The following SMARCA2 variants were observed in gnomAD, a reference collection of about 807,000 sequenced individuals.
SMARCA2 encodes SWI/SNF related BAF chromatin remodeling complex subunit ATPase 2.
A neutral mutation model predicts 199.8 loss-of-function variants in SMARCA2; 61 were observed. That is an observed-to-expected ratio of 0.31 (90% CI 0.25 to 0.38). The LOEUF (loss-of-function observed/expected upper bound fraction) is 0.38, where lower values mean the gene tolerates loss of function less well. Among genes scored for constraint, SMARCA2 ranks in the 10% least tolerant of loss-of-function variants. The pLI, the probability that SMARCA2 is intolerant of heterozygous loss-of-function variation, is 1.00. For synonymous variants in SMARCA2, 935 were observed against 732.0 expected, an observed-to-expected ratio of 1.28 and a Z score of -4.48; for missense variants, 1,344 against 2,012.2, an observed-to-expected ratio of 0.67 and a Z score of 6.35.
intron 27 of SMARCA2, among the ~76,000 whole-genome samples, chr9:2,149,143 G>C (rs1824914968): frequency 6.6e-6 from 1 of 151,262 alleles, no homozygotes; most frequent in South Asian, 2.1e-4. Flanking sequence ...CCACATGGCT[G>C]GGGAGGCCTC....
intron 27 of SMARCA2, among the ~76,000 whole-genome samples, chr9:2,155,408 G>A (rs536911838): frequency 2.2e-4 from 34 of 151,778 alleles, no homozygotes; most frequent in Middle Eastern, 3.4e-3. Flanking sequence ...TCAGCCTCCC[G>A]AGTAGCTGGG....
Position 2,081,940 on chromosome 9 carries a change from T to TA in SMARCA2, c.2294dup (p.Tyr765Ter). 1 of 1,613,978 alleles carries TA rather than the reference T, an allele frequency of 6.2e-7. No homozygotes were observed. ...KTIQTIALIT[Y>*]LMEHKRLNGP... ...CATACAGACCATTGCACTCATCACT[T>TA]ATCTGATGGAGCACAAAAGACTCAA... is the stretch of plus-strand genomic sequence containing the variant. The change falls in exon 15 of 34, where the codon TAT becomes TAAT. Residue 765 changes from tyrosine (Y) to a stop codon, truncating the protein, a stop_gained and frameshift_variant. Coordinates refer to ENST00000349721, the MANE Select transcript of SMARCA2 (RefSeq NM_003070.5). LOFTEE classifies it high-confidence loss of function.
intron 29 of SMARCA2, 21 bp from the exon 30 acceptor site, chr9:2,181,550 T>A (rs773861609): frequency 1.6e-6 from 2 of 1,261,362 alleles, no homozygotes; most frequent in South Asian, 2.4e-5. Flanking sequence ...CTTGTTTTTG[T>A]TTGTTTCACC....
intron 1 of SMARCA2, among the ~76,000 whole-genome samples, chr9:2,021,255 T>C (rs1260024014): frequency 6.6e-6 from 1 of 152,172 alleles, no homozygotes; most frequent in Non-Finnish European, 1.5e-5. Context: ...TGAAATAATA[T>C]TTAAAGTTTG....
intron 4 of SMARCA2, chr9:2,044,094 G>A (rs77680420): frequency 0.042 from 6,406 of 152,334 alleles, 213 homozygotes; most frequent in African/African-American, 0.077. Context: ...CCAGGCAAAC[G>A]AACCCGTAAG....
At chr9:2,085,167 C>A (rs1224799414) in intron 17 of SMARCA2, among the ~76,000 whole-genome samples, 6 of 152,146 alleles carry the variant, frequency 3.9e-5, no homozygotes, top group Admixed American at 3.9e-4. Context: ...ATTGAGATGG[C>A]ACTGGCAACA....
At position 2,047,235 on chromosome 9, in the gene SMARCA2, G is replaced by C; in HGVS notation, c.797G>C (p.Gly266Ala). 3.0e-6 allele frequency: 3 copies of C among 1,009,710 alleles called. No individual in the cohort carries two copies. Among genetic ancestry groups the C allele is most frequent in the Non-Finnish European group, 3.5e-6 (3 of 846,412 alleles). 62.5% of individuals were successfully genotyped at this position (1,009,710 alleles called of 1,614,324 possible). The change falls in exon 5 of 34, where the codon GGG becomes GCG. Residue 266 changes from glycine to alanine, a missense_variant. Gly to Ala is a moderately conservative substitution (Grantham distance 60). Coordinates refer to ENST00000349721, the MANE Select transcript of SMARCA2 (RefSeq NM_003070.5). ...LVNYNRPSGPGPELSGPSTPQ... is the reference protein window; with the variant it reads ...LVNYNRPSGPAPELSGPSTPQ... The stretch of plus-strand genomic sequence containing the variant: ...TGTCGCTCTTGTCCCGCAGGCCCGG[G>C]GCCGGAGCTGAGCGGCCCGAGCACC...
Position 2,078,666 on chromosome 9 carries a change from C to T in SMARCA2, c.2184+890C>T, listed in dbSNP as rs375452585. On this transcript the variant is annotated intron_variant, in intron 14 of 33. Transcript: ENST00000349721. ...TTCCTTAAAAATTAAAAAAGGAGGC[C>T]AGGTGCGGTAGCTCACGCCTGTAAT... 7.9e-5 allele frequency among the ~76,000 whole-genome samples: 12 copies of T among 152,102 alleles called. No individual in the cohort carries two copies. In the East Asian group the frequency reaches 1.6e-3, roughly 20 times the overall value.
chr9:2,041,252 A>T, intron 4 of SMARCA2: 1 of 398,394 alleles, frequency 2.5e-6, no homozygotes. Context: ...TTAAGAATGG[A>T]TGTCTTAGTA....
chr9:2,099,241 G>T (rs1186008254), intron 21 of SMARCA2, among the ~76,000 whole-genome samples: 1 of 152,262 alleles, frequency 6.6e-6, no homozygotes, highest in African/African-American at 2.4e-5. Flanking sequence ...GGGTTTAGAG[G>T]AGCTGGGAGA....
chr9:2,157,940 C>G, intron 27 of SMARCA2: 1 of 398,340 alleles, frequency 2.5e-6, no homozygotes. Context: ...GTGGCTGCTT[C>G]CCGGGTCTGC....
At chr9:2,174,227 AG>A (rs1455513067) in intron 29 of SMARCA2, among the ~76,000 whole-genome samples, 1 of 152,186 alleles carries the variant, frequency 6.6e-6, no homozygotes, top group East Asian at 1.9e-4. Context: ...CTCTGAAGGA[AG>A]GGAAGGAGGC....
rs1459453291 is a variant in SMARCA2 at position 2,161,934 on chromosome 9, C to G, written c.4199+31C>G. On this transcript the variant is annotated intron_variant, in intron 28 of 33. Transcript: ENST00000349721. This position sits in a 1 kb window ranked among gnomAD's most constrained non-coding sequence, Gnocchi z 4.7. ...TGTTTGGTTCCTTCACCTTGATCAT[C>G]TCTCACCAAGACGCCGAGTGGCGCT... is the stretch of plus-strand genomic sequence containing the variant. 1.9e-6 allele frequency: 3 copies of G among 1,580,238 alleles called. No individual in the cohort carries two copies. Among genetic ancestry groups the G allele is most frequent in the Non-Finnish European group, 2.6e-6 (3 of 1,151,212 alleles).
chr9:2,060,235 TA>T (rs1297742686), intron 8 of SMARCA2, among the ~76,000 whole-genome samples: 1 of 152,030 alleles, frequency 6.6e-6, no homozygotes, highest in African/African-American at 2.4e-5. Flanking sequence ...CATTATTTGT[TA>T]AAAGCCCATT....
At chr9:2,055,561 T>C (rs1388316424) in intron 6 of SMARCA2, 1 of 152,192 alleles carries the variant, frequency 6.6e-6, no homozygotes, top group African/African-American at 2.4e-5. Flanking sequence ...TTTGGAAGTA[T>C]TGACTTGGTT....
intron 27 of SMARCA2, among the ~76,000 whole-genome samples, chr9:2,127,705 C>T (rs1823757567): frequency 6.6e-6 from 1 of 152,230 alleles, no homozygotes; most frequent in Non-Finnish European, 1.5e-5. Context: ...TGGCTGTGAG[C>T]CCAGGAAAAC....
intron 7 of SMARCA2, among the ~76,000 whole-genome samples, chr9:2,057,471 A>T (rs565379814): frequency 1.3e-5 from 2 of 152,340 alleles, no homozygotes; most frequent in South Asian, 4.1e-4. Context: ...TCATGTTCAT[A>T]ATCCCATGGG....
chr9:2,175,069 C>T (rs1177215950), intron 29 of SMARCA2, among the ~76,000 whole-genome samples: 1 of 151,176 alleles, frequency 6.6e-6, no homozygotes, highest in African/African-American at 2.4e-5. Context: ...GTAACGTCTA[C>T]AAGGTGGGGT....
At chr9:2,192,518 A>G (rs1406323495) in intron 33 of SMARCA2, 186 bp from the exon 34 acceptor site, 1 of 630,590 alleles carries the variant, frequency 1.6e-6, no homozygotes, top group African/African-American at 1.9e-5. Context: ...TTCAGTAAGA[A>G]AAACTTCTCA....
Sources: allele counts gnomAD v4.1 joint callset (sites outside exome capture counted in the v4.1 genomes callset), GRCh38; gene constraint gnomAD v4.1.1; non-coding constraint Gnocchi (gnomAD v3.1); transcripts MANE v1.5; gene names NCBI Gene and HGNC (gene_info 2026-07-23, HGNC 2026-07-21).